The following DPYS variants were observed in gnomAD, a reference collection of about 807,000 sequenced individuals.
DPYS encodes dihydropyrimidinase.
Under a neutral mutation model 50.3 loss-of-function variants are expected in DPYS, and 39 were observed. The ratio of observed to expected loss-of-function variants is 0.78; its 90% CI spans 0.60 to 1.01. The LOEUF is 1.01. Ranked by LOEUF, DPYS falls within the 50% of genes least tolerant of loss-of-function variation. The pLI is 0.00. For synonymous variants in DPYS, 245 were observed against 250.7 expected, an observed-to-expected ratio of 0.98 and a Z score of 0.22; for missense variants, 659 against 680.9, an observed-to-expected ratio of 0.97 and a Z score of 0.36.
At chr8:104,436,020 G>C (rs1000509588) in intron 4 of DPYS, among the ~76,000 whole-genome samples, 9 of 152,058 alleles carry the variant, frequency 5.9e-5, no homozygotes, top group African/African-American at 2.2e-4. Context: ...AGGAGGTCTG[G>C]GTCTGTCAAC....
chr8:104,423,656 T>C (rs1164063618), intron 7 of DPYS, among the ~76,000 whole-genome samples: 2 of 152,212 alleles, frequency 1.3e-5, no homozygotes, highest in Non-Finnish European at 2.9e-5. Context: ...ACTAACGTCC[T>C]ATAAGGAGAC....
chr8:104,442,730 CAAG>C (rs1247100341), intron 4 of DPYS, among the ~76,000 whole-genome samples: 2 of 152,108 alleles, frequency 1.3e-5, no homozygotes, highest in African/African-American at 4.8e-5. Flanking sequence ...CTTAATGCAA[CAAG>C]AAGAAATTTT....
At chr8:104,448,131 T>C (rs965520144) in intron 2 of DPYS, among the ~76,000 whole-genome samples, 2 of 151,336 alleles carry the variant, frequency 1.3e-5, no homozygotes, top group East Asian at 3.9e-4. Flanking sequence ...GGCAAGTTAG[T>C]ATCAAAGCTA....
chr8:104,380,209 G>A (rs1487902766), intron 9 of DPYS, among the ~76,000 whole-genome samples: 1 of 152,176 alleles, frequency 6.6e-6, no homozygotes, highest in Non-Finnish European at 1.5e-5. Context: ...GCAGGAACAG[G>A]ATTTATGCAG....
At chr8:104,448,113 G>A (rs1212508131) in intron 2 of DPYS, among the ~76,000 whole-genome samples, 1 of 152,190 alleles carries the variant, frequency 6.6e-6, no homozygotes, top group Non-Finnish European at 1.5e-5. Context: ...GGGTTGCCAG[G>A]GGTCAGGGGC....
At chr8:104,425,335 C>A (rs762712739) in intron 6 of DPYS, among the ~76,000 whole-genome samples, 3 of 152,036 alleles carry the variant, frequency 2.0e-5, no homozygotes, top group Non-Finnish European at 4.4e-5. Flanking sequence ...CTCAGGTGAT[C>A]CTCCCCACTC....
At chr8:104,449,553 T>C (rs2140727994) in intron 2 of DPYS, among the ~76,000 whole-genome samples, 1 of 152,352 alleles carries the variant, frequency 6.6e-6, no homozygotes. Flanking sequence ...AATTCATATG[T>C]TGAAGTCCTA....
At chr8:104,391,926 A>G (rs886352036) in intron 8 of DPYS, among the ~76,000 whole-genome samples, 3 of 148,418 alleles carry the variant, frequency 2.0e-5, no homozygotes, top group African/African-American at 7.8e-5. Flanking sequence ...CCTTTCATTT[A>G]AAAAAAAACC....
intron 1 of DPYS, among the ~76,000 whole-genome samples, chr8:104,466,100 A>C (rs1814378737): frequency 6.6e-6 from 1 of 152,112 alleles, no homozygotes. Context: ...CGGGAACGTG[A>C]ACACGGTGGG....
rs1024827655 is a variant in DPYS at position 104,444,498 on chromosome 8, T to C, written c.604-61A>G. 6.6e-5 allele frequency: 104 copies of C among 1,578,804 alleles called. No individual in the cohort carries two copies. The Middle Eastern group carries it at 8.3e-4, about 13-fold the overall frequency. On this transcript the variant is annotated intron_variant, in intron 3 of 9. Coordinates refer to ENST00000351513, the MANE Select transcript of DPYS (RefSeq NM_001385.3). ...AAGGTTTACTAATGACAGATATCAT[T>C]ATTTTATCATAAATTAAATGCAATG...
chr8:104,409,293 T>C (rs1012135757), intron 7 of DPYS, among the ~76,000 whole-genome samples: 6 of 151,168 alleles, frequency 4.0e-5, no homozygotes, highest in Admixed American at 1.3e-4. Flanking sequence ...AAGACCAGCC[T>C]GGCCAACATA....
intron 6 of DPYS, among the ~76,000 whole-genome samples, chr8:104,425,254 G>A (rs1162963860): frequency 1.4e-5 from 2 of 147,166 alleles, no homozygotes; most frequent in Admixed American, 1.3e-4. Flanking sequence ...TCGAGATATG[G>A]TCTCACTCTG....
chr8:104,413,969 G>A (rs1414760441), intron 7 of DPYS, among the ~76,000 whole-genome samples: 1 of 152,140 alleles, frequency 6.6e-6, no homozygotes, highest in East Asian at 1.9e-4. Context: ...AAGAACCTGG[G>A]AATCCATATC....
chr8:104,381,427 T>G, intron 8 of DPYS, 113 bp from the exon 9 acceptor site: 1 of 956,776 alleles, frequency 1.0e-6, no homozygotes, highest in Admixed American at 1.8e-5. Context: ...TATAAATTTA[T>G]CACGTGCCTC....
In DPYS at chr8:104,466,750, C is replaced by T; in HGVS notation, c.171G>A (p.Lys57=). 6.5e-7 allele frequency: 1 copy of T among 1,535,384 alleles called. No homozygotes were observed. The highest frequency in any genetic ancestry group is 8.7e-7 in the Non-Finnish European group (1 of 1,145,786). The change falls in exon 1 of 10, where the codon AAG becomes AAA. Residue 57 remains lysine (K), a synonymous_variant. Coordinates refer to ENST00000351513, the MANE Select transcript of DPYS (RefSeq NM_001385.3). ...AGLRVLDAAG[K]LVLPGGIDTH... Reference sequence around the variant, plus strand: ...TGTCGATGCCTCCGGGCAGGACGAGCTTGCCGGCGGCGTCGAGGACCCGCA... The same window carrying T: ...TGTCGATGCCTCCGGGCAGGACGAGTTTGCCGGCGGCGTCGAGGACCCGCA...
intron 6 of DPYS, 134 bp from the exon 7 acceptor site, chr8:104,424,523 G>A: frequency 1.1e-6 from 1 of 930,806 alleles, no homozygotes; most frequent in Non-Finnish European, 1.6e-6. Context: ...ATCTGAGGAT[G>A]CTGGTAAGTA....
intron 3 of DPYS, among the ~76,000 whole-genome samples, chr8:104,447,063 G>C (rs1813553372): frequency 6.6e-6 from 1 of 152,186 alleles, no homozygotes; most frequent in African/African-American, 2.4e-5. Flanking sequence ...ACATGTTTGA[G>C]ATCTAAGAGC....
intron 7 of DPYS, among the ~76,000 whole-genome samples, chr8:104,417,165 A>G (rs975626206): frequency 6.6e-6 from 1 of 152,226 alleles, no homozygotes; most frequent in Non-Finnish European, 1.5e-5. Flanking sequence ...CGGTCCAGCT[A>G]GAAGTCTTCA....
intron 8 of DPYS, among the ~76,000 whole-genome samples, chr8:104,391,532 T>A (rs1366676358): frequency 6.6e-6 from 1 of 152,210 alleles, no homozygotes; most frequent in African/African-American, 2.4e-5. Context: ...ATTTTTTAAA[T>A]CTAAAATTCT....
Sources: allele counts gnomAD v4.1 joint callset (sites outside exome capture counted in the v4.1 genomes callset), GRCh38; gene constraint gnomAD v4.1.1; transcripts MANE v1.5; gene names NCBI Gene and HGNC (gene_info 2026-07-23, HGNC 2026-07-21).